Variants in OSBP2 observed in about 807,000 individuals in gnomAD.
The protein encoded by OSBP2 is oxysterol-binding protein 2.
A neutral mutation model predicts 96.0 loss-of-function variants in OSBP2; 66 were observed. That is an observed-to-expected ratio of 0.69 (90% CI 0.56 to 0.84). OSBP2 has a LOEUF of 0.84. OSBP2 is among the 40% of genes least tolerant of loss of function. OSBP2 has a pLI of 0.00. For missense variants in OSBP2, 1,038 were observed against 1,222.7 expected, an observed-to-expected ratio of 0.85 and a Z score of 2.25; for synonymous variants, 525 against 520.9, an observed-to-expected ratio of 1.01 and a Z score of -0.11.
intron 2 of OSBP2, chr22:30,822,496 A>G: frequency 8.8e-7 from 1 of 1,134,294 alleles, no homozygotes. Context: ...GCATTGTGGT[A>G]ACGCGGCGCC....
intron 3 of OSBP2, among the ~76,000 whole-genome samples, chr22:30,872,881 T>G (rs962110150): frequency 1.3e-5 from 2 of 152,204 alleles, no homozygotes; most frequent in African/African-American, 2.4e-5. Context: ...GCCCCCACTG[T>G]GTGCAGAGGA....
chr22:30,889,023 T>A (rs1321986710), intron 5 of OSBP2, among the ~76,000 whole-genome samples, 154 bp from the exon 6 acceptor site: 2 of 152,170 alleles, frequency 1.3e-5, no homozygotes, highest in East Asian at 3.9e-4. Flanking sequence ...CCTTGAAATG[T>A]TGTTATTGCG....
At chr22:30,858,611 G>A (rs1602368751) in intron 2 of OSBP2, among the ~76,000 whole-genome samples, 1 of 149,656 alleles carries the variant, frequency 6.7e-6, no homozygotes, top group Admixed American at 6.7e-5. Context: ...AGGGACGGTG[G>A]CTCACACCTG....
At chr22:30,707,638 AC>A (rs1213947730) in intron 1 of OSBP2, among the ~76,000 whole-genome samples, 1 of 150,158 alleles carries the variant, frequency 6.7e-6, no homozygotes, top group African/African-American at 2.4e-5. Flanking sequence ...AATGGCGTGA[AC>A]CCGGGTGGCG....
At chr22:30,849,934 A>C (rs1468233324) in intron 2 of OSBP2, among the ~76,000 whole-genome samples, 2 of 152,114 alleles carry the variant, frequency 1.3e-5, no homozygotes, top group Non-Finnish European at 2.9e-5. Flanking sequence ...CCATATGTAT[A>C]TTTAGTTGTT....
At chr22:30,729,233 G>C (rs2089705265) in intron 1 of OSBP2, among the ~76,000 whole-genome samples, 1 of 152,038 alleles carries the variant, frequency 6.6e-6, no homozygotes, top group Non-Finnish European at 1.5e-5. Flanking sequence ...CCTACTTTTG[G>C]ACATTTATCC....
chr22:30,822,681 C>T lies in OSBP2; in HGVS notation c.854-47748C>T, dbSNP rs900873641. The T allele has an allele frequency of 3.9e-6, 6 of 1,533,738 alleles. No individual in the cohort carries two copies. In the African/African-American group the frequency reaches 4.1e-5, roughly 11 times the overall value. On this transcript the variant is annotated intron_variant, in intron 2 of 13. Transcript: ENST00000332585. ...CGGCCTCCGTGCGCTCCTTCTGCAG[C>T]TCCGGCTGCCTGAATAAATTTAAGA...
chr22:30,857,962 A>AC (rs1299168140), intron 2 of OSBP2, among the ~76,000 whole-genome samples: 1 of 152,140 alleles, frequency 6.6e-6, no homozygotes, highest in Non-Finnish European at 1.5e-5. Context: ...CTCCTGGAAC[A>AC]CCTGCCCACT....
At chr22:30,876,518 G>T (rs1454755459) in intron 3 of OSBP2, among the ~76,000 whole-genome samples, 1 of 152,224 alleles carries the variant, frequency 6.6e-6, no homozygotes, top group Non-Finnish European at 1.5e-5. Flanking sequence ...CAGGGTATGG[G>T]GTTCACACGA....
rs769528454 is a variant in OSBP2 at position 30,887,590 on chromosome 22, G to A, written c.1272G>A (p.Pro424=). ...CCTTCCACAGTGCCCCTGGCCGGCC[G>A]GCCAACCCCTCCAAGAGCTTCATTG... ...ERAFHSAPGR[P]ANPSKSFIEG... is the part of the protein sequence containing the mutation. Residue 424 remains proline (P), a synonymous_variant, in exon 4 of 14, where the codon CCG becomes CCA. Coordinates refer to ENST00000332585, the MANE Select transcript of OSBP2 (RefSeq NM_030758.4). 11 of 1,608,522 alleles carry A rather than the reference G, an allele frequency of 6.8e-6. No homozygotes were observed. Among genetic ancestry groups the A allele is most frequent in the African/African-American group, 2.7e-5 (2 of 74,826 alleles).
At chr22:30,887,992 C>CG (rs926182722) in intron 4 of OSBP2, among the ~76,000 whole-genome samples, 35 of 151,922 alleles carry the variant, frequency 2.3e-4, no homozygotes, top group African/African-American at 7.7e-4. Flanking sequence ...GTTGAGAGAT[C>CG]GGGGGGGCTT....
chr22:30,794,227 T>A (rs1327815882), intron 2 of OSBP2, among the ~76,000 whole-genome samples: 1 of 151,272 alleles, frequency 6.6e-6, no homozygotes, highest in South Asian at 2.1e-4. Flanking sequence ...ATTTAAAAAA[T>A]AAATAAAATT....
In OSBP2 at chr22:30,894,021, G is replaced by C. The variant is rs1000427164; in HGVS notation, c.2375+20G>C. The C allele has an allele frequency of 6.3e-7, 1 of 1,574,984 alleles. No individual in the cohort carries two copies. Among genetic ancestry groups the C allele is most frequent in the Non-Finnish European group, 8.6e-7 (1 of 1,162,780 alleles). Reference sequence around the variant, plus strand: ...GCTGCCGTGAGTAGGGCTGGCAGGGGCCCCGCCACAGGCAAAGGAGAGGGA... The same window carrying C: ...GCTGCCGTGAGTAGGGCTGGCAGGGCCCCCGCCACAGGCAAAGGAGAGGGA... On this transcript the variant is annotated intron_variant, in intron 12 of 13. Transcript: ENST00000332585.
chr22:30,758,279 G>A (rs1377750941), intron 2 of OSBP2, among the ~76,000 whole-genome samples: 2 of 152,120 alleles, frequency 1.3e-5, no homozygotes, highest in Non-Finnish European at 2.9e-5. Context: ...GCGCACGCTT[G>A]TAGTCCAGCT....
At chr22:30,795,518 AT>A (rs136288) in intron 2 of OSBP2, among the ~76,000 whole-genome samples, 36,552 of 121,880 alleles carry the variant, frequency 0.3, 3,919 homozygotes, top group Middle Eastern at 0.35. Context: ...TATCCAATGC[AT>A]TTTTTTTTTT....
intron 1 of OSBP2, among the ~76,000 whole-genome samples, chr22:30,729,391 A>G (rs2089707862): frequency 6.6e-6 from 1 of 152,188 alleles, no homozygotes; most frequent in African/African-American, 2.4e-5. Flanking sequence ...TAAACCCAGC[A>G]CTTTGGGAGG....
At position 30,893,862 on chromosome 22, in the gene OSBP2, C is replaced by A; in HGVS notation, c.2236C>A (p.Leu746Met). Residue 746 changes from leucine to methionine, a missense_variant, in exon 12 of 14, where the codon CTG becomes ATG. This residue lies in a region of OSBP2 where 737 missense variants were observed against 913.3 expected (regional missense o/e 0.81). Transcript: ENST00000332585. ...CAGCCAGGGCAAGGCCCATTACGTG[C>A]TGTCCGGCTCGTGGGATGAACAAAT... is the stretch of plus-strand genomic sequence containing the variant. The part of the protein sequence containing the change: ...SDSQGKAHYV[L>M]SGSWDEQMEC... 1 of 1,583,802 alleles carries A rather than the reference C, an allele frequency of 6.3e-7. No individual in the cohort carries two copies. Among genetic ancestry groups the A allele is most frequent in the Non-Finnish European group, 8.6e-7 (1 of 1,164,780 alleles).
At position 30,740,187 on chromosome 22, in the gene OSBP2, G is replaced by A. The variant is rs183350409; in HGVS notation, c.645-974G>A. On this transcript the variant is annotated intron_variant, in intron 1 of 13. Transcript: ENST00000332585. ...TAAGGATAACTTGGAGGGTGGTGGG[G>A]GAACCAGTAAGCCAGGAGTGCTGAT... 1.7e-3 allele frequency among the ~76,000 whole-genome samples: 266 copies of A among 152,128 alleles called. 1 individual carries two copies. In the Middle Eastern group the frequency reaches 0.024, roughly 14 times the overall value.
chr22:30,694,906 C>T lies in OSBP2; in HGVS notation c.-4C>T, dbSNP rs1256868906. 5.1e-6 allele frequency: 7 copies of T among 1,380,272 alleles called. No homozygotes were observed. Among genetic ancestry groups the T allele is most frequent in the Non-Finnish European group, 6.6e-6 (7 of 1,063,734 alleles). The allele number at this position is 1,380,272 out of a possible 1,614,324, so 85.5% of individuals were successfully genotyped here. A position where few individuals can be genotyped will look rare whatever the true frequency, so the allele number is the denominator to read the frequency against. Reference sequence around the variant, plus strand: ...GCTCGGCCGCGCGCGGGTCGGCCGGCTCTATGGGGAAAGCGGCGGCTCCGA... The same window carrying T: ...GCTCGGCCGCGCGCGGGTCGGCCGGTTCTATGGGGAAAGCGGCGGCTCCGA... On this transcript the variant is annotated 5_prime_UTR_variant, in exon 1 of 14. Transcript: ENST00000332585.
Sources: allele counts gnomAD v4.1 joint callset (sites outside exome capture counted in the v4.1 genomes callset), GRCh38; gene constraint gnomAD v4.1.1; regional missense constraint gnomAD v4.1.1; transcripts MANE v1.5; gene names NCBI Gene and HGNC (gene_info 2026-07-23, HGNC 2026-07-21).